AGAP1: variants seen among roughly 807,000 people sequenced by gnomAD.
AGAP1 encodes arf-GAP with GTPase, ANK repeat and PH domain-containing protein 1.
A neutral mutation model predicts 105.3 loss-of-function variants in AGAP1; 29 were observed. The observed-to-expected ratio is 0.28, with a 90% CI of 0.21 to 0.38. The LOEUF (loss-of-function observed/expected upper bound fraction) is 0.38, where lower values mean the gene tolerates loss of function less well. Ranked by LOEUF, AGAP1 falls within the 10% of genes least tolerant of loss-of-function variation. The pLI is 1.00. For missense variants in AGAP1, 998 were observed against 1,165.1 expected (o/e 0.86, Z 2.09); for synonymous variants, 509 against 485.9 (o/e 1.05, Z -0.63).
At chr2:235,878,955 C>T (rs57189949) in intron 9 of AGAP1, among the ~76,000 whole-genome samples, 5,446 of 152,292 alleles carry the variant, frequency 0.036, 240 homozygotes, top group African/African-American at 0.1. Flanking sequence ...AGCTGAAGTT[C>T]AAGACCAAAA....
chr2:235,859,541 G>GTTTT lies in AGAP1; in HGVS notation c.1051-23793_1051-23790dup, dbSNP rs34414886. Among the ~76,000 whole-genome samples the GTTTT allele has an allele frequency of 1.1e-3, 156 of 144,700 alleles. No individual in the cohort carries two copies. In the South Asian group the frequency reaches 0.019, roughly 18 times the overall value. 94.9% of individuals were successfully genotyped at this position (144,700 alleles called of 152,430 possible). ...TCTAGTTTCTTATTTTTTCTGAGCA[G>GTTTT]TTTTTTTTTTTTTTAAAGTTCCTGC... On this transcript the variant is annotated intron_variant, in intron 9 of 17. Coordinates refer to ENST00000304032, the MANE Select transcript of AGAP1 (RefSeq NM_001037131.3).
rs1030995401 is a variant in AGAP1, at chr2:236,090,377, G to T, written c.2115-29815G>T. Among the ~76,000 whole-genome samples, 1 of 152,112 alleles carries T rather than the reference G, an allele frequency of 6.6e-6. No homozygotes were observed. The highest frequency in any genetic ancestry group is 1.5e-5 in the Non-Finnish European group (1 of 68,020). ...ATTACTTCTCTCTGGTTTTTGAGAC[G>T]CACACTCAAGAGTCACAAATTAGAA... On this transcript the variant is annotated intron_variant, in intron 16 of 17. Transcript: ENST00000304032. This position sits in a 1 kb window ranked among gnomAD's most constrained non-coding sequence, Gnocchi z 4.3.
chr2:236,084,567 T>G (rs2058873945), intron 16 of AGAP1, among the ~76,000 whole-genome samples: 2 of 152,332 alleles, frequency 1.3e-5, no homozygotes, highest in Non-Finnish European at 2.9e-5. Context: ...CATTGAAACC[T>G]TGAAACAAAT....
Position 236,082,226 on chromosome 2 carries a change from A to G in AGAP1, c.2114+32945A>G, listed in dbSNP as rs1247404600. On this transcript the variant is annotated intron_variant, in intron 16 of 17. Coordinates refer to ENST00000304032, the MANE Select transcript of AGAP1 (RefSeq NM_001037131.3). The surrounding 1 kb of genome is among the most constrained non-coding windows in gnomAD (Gnocchi z 4.2). ...ACAGCTTCAATCAGTGCCAAATTCA[A>G]TTGGCTTCTGATCTCATCGCTGGAA... Among the ~76,000 whole-genome samples, 2 of 152,234 alleles carry G rather than the reference A, an allele frequency of 1.3e-5. No individual in the cohort carries two copies. The highest frequency in any genetic ancestry group is 4.8e-5 in the African/African-American group (2 of 41,462).
chr2:235,945,845 C>T (rs2053472500), intron 12 of AGAP1, among the ~76,000 whole-genome samples: 1 of 146,270 alleles, frequency 6.8e-6, no homozygotes, highest in African/African-American at 2.6e-5. Context: ...GGAAACTTAC[C>T]ATCATGGCAG....
intron 1 of AGAP1, among the ~76,000 whole-genome samples, chr2:235,597,652 G>A (rs1945570027): frequency 6.6e-6 from 1 of 152,198 alleles, no homozygotes; most frequent in African/African-American, 2.4e-5. Flanking sequence ...TTGTTCTAAC[G>A]TTGGTGATGA....
At position 235,586,326 on chromosome 2, in the gene AGAP1, G is replaced by A. The variant is rs919571971; in HGVS notation, c.163+91477G>A. Reference sequence around the variant, plus strand: ...CCCTCTGCACGCTCACTCCACGAAGGATGCAGGTGGGCACACTGCTACAAC... The same window carrying A: ...CCCTCTGCACGCTCACTCCACGAAGAATGCAGGTGGGCACACTGCTACAAC... On this transcript the variant is annotated intron_variant, in intron 1 of 17. Coordinates refer to ENST00000304032, the MANE Select transcript of AGAP1 (RefSeq NM_001037131.3). This position sits in a 1 kb window ranked among gnomAD's most constrained non-coding sequence, Gnocchi z 4.2. Among the ~76,000 whole-genome samples, 1 of 152,188 alleles carries A rather than the reference G, an allele frequency of 6.6e-6. No individual in the cohort carries two copies. Among genetic ancestry groups the A allele is most frequent in the Admixed American group, 6.5e-5 (1 of 15,282 alleles).
chr2:235,947,010 TC>T (rs2053532069), intron 12 of AGAP1, among the ~76,000 whole-genome samples: 1 of 152,204 alleles, frequency 6.6e-6, no homozygotes, highest in Admixed American at 6.5e-5. Flanking sequence ...CTCCTTCCTT[TC>T]CTTTTTTAAA....
At chr2:235,636,625 T>C (rs370715681) in intron 1 of AGAP1, among the ~76,000 whole-genome samples, 1 of 152,148 alleles carries the variant, frequency 6.6e-6, no homozygotes, top group African/African-American at 2.4e-5. Flanking sequence ...CCCATGACAT[T>C]GGGCTAGACT....
intron 16 of AGAP1, among the ~76,000 whole-genome samples, chr2:236,107,119 C>T (rs2059517102): frequency 6.6e-6 from 1 of 151,332 alleles, no homozygotes; most frequent in African/African-American, 2.4e-5. Flanking sequence ...CCCCGCCCCA[C>T]CCCCGCCAGC....
intron 8 of AGAP1, among the ~76,000 whole-genome samples, chr2:235,806,789 G>A (rs1043028450): frequency 2.6e-5 from 4 of 151,946 alleles, no homozygotes; most frequent in Non-Finnish European, 5.9e-5. Context: ...CCGTTAAATC[G>A]CACAGCTGAC....
chr2:236,025,901 C>T (rs1483666056), intron 13 of AGAP1, among the ~76,000 whole-genome samples: 3 of 112,480 alleles, frequency 2.7e-5, no homozygotes, highest in East Asian at 2.4e-4. Flanking sequence ...GACTCCTTCT[C>T]GGGTGGGTGG....
At chr2:235,730,471 A>G (rs1167344457) in intron 3 of AGAP1, among the ~76,000 whole-genome samples, 14 of 100,152 alleles carry the variant, frequency 1.4e-4, no homozygotes, top group Non-Finnish European at 2.8e-4. Context: ...TCTTTTGTTT[A>G]CCTTTTAAAA....
rs1435682833 is a variant in AGAP1 at position 235,612,576 on chromosome 2, T to G, written c.164-96603T>G. On this transcript the variant is annotated intron_variant, in intron 1 of 17. Coordinates refer to ENST00000304032, the MANE Select transcript of AGAP1 (RefSeq NM_001037131.3). This position sits in a 1 kb window ranked among gnomAD's most constrained non-coding sequence, Gnocchi z 4.3. ...GCTAAGGGAAAAGAACGTGACTGTG[T>G]GGGGGTCTCCCTGACTCCTTAGAAC... 6.6e-6 allele frequency among the ~76,000 whole-genome samples: 1 copy of G among 152,200 alleles called. No individual in the cohort carries two copies. The highest frequency in any genetic ancestry group is 2.4e-5 in the African/African-American group (1 of 41,446).
chr2:235,931,456 T>TTATTA lies in AGAP1; in HGVS notation c.1483+534_1483+535insATTAT, dbSNP rs1559662015. On this transcript the variant is annotated intron_variant, in intron 12 of 17. Coordinates refer to ENST00000304032, the MANE Select transcript of AGAP1 (RefSeq NM_001037131.3). This position sits in a 1 kb window ranked among gnomAD's most constrained non-coding sequence, Gnocchi z 5.6. ...TGGCATTATTATTATTATTATTATT[T>TTATTA]TGACAAGTGTATCCAGCTTTTTGGG... Among the ~76,000 whole-genome samples, 48 of 152,130 alleles carry TTATTA rather than the reference T, an allele frequency of 3.2e-4. No homozygotes were observed. Among genetic ancestry groups the TTATTA allele is most frequent in the African/African-American group, 1.2e-3 (48 of 41,528 alleles).
rs1348316580 is a variant in AGAP1 at position 235,778,349 on chromosome 2, AG to A, written c.674-19407del. Among the ~76,000 whole-genome samples, 6 of 152,326 alleles carry A rather than the reference AG, an allele frequency of 3.9e-5. No homozygotes were observed. In the South Asian group the frequency reaches 1.2e-3, roughly 32 times the overall value. On this transcript the variant is annotated intron_variant, in intron 6 of 17. Transcript: ENST00000304032. ...CAGTTCTTTGACCAGTGCAGCCAGCAGGGAATTTTATTTCACGTCTAATCAG... is the reference window on the plus strand; with the variant it reads ...CAGTTCTTTGACCAGTGCAGCCAGCAGGAATTTTATTTCACGTCTAATCAG...
intron 11 of AGAP1, among the ~76,000 whole-genome samples, chr2:235,921,020 A>T (rs1312591505): frequency 1.3e-5 from 2 of 152,218 alleles, no homozygotes; most frequent in Admixed American, 1.3e-4. Context: ...ATCTTCTTTT[A>T]GTTACTGGTC....
chr2:235,571,975 TACACAC>T (rs371181654), intron 1 of AGAP1, among the ~76,000 whole-genome samples: 2,223 of 79,014 alleles, frequency 0.028, 112 homozygotes, highest in African/African-American at 0.1. Context: ...TATATATGTA[TACACAC>T]ACACACACAC....
At position 235,702,780 on chromosome 2, in the gene AGAP1, A is replaced by G. The variant is rs377062910; in HGVS notation, c.164-6399A>G. On this transcript the variant is annotated intron_variant, in intron 1 of 17. Coordinates refer to ENST00000304032, the MANE Select transcript of AGAP1 (RefSeq NM_001037131.3). ...CACATGTGCCTGTCTCCAAGCAGGA[A>G]CATCTCCTCCTGGCTGTGGTCAGAT... Among the ~76,000 whole-genome samples the G allele has an allele frequency of 7.2e-4, 109 of 150,382 alleles. No homozygotes were observed. In the Middle Eastern group the frequency reaches 0.014, roughly 19 times the overall value.
Sources: gnomAD v4.1 joint callset for allele counts (sites outside exome capture counted in the v4.1 genomes callset) on GRCh38, gnomAD v4.1.1 for gene constraint, Gnocchi (gnomAD v3.1) non-coding constraint, MANE v1.5 for transcripts, NCBI Gene and HGNC (gene_info 2026-07-23, HGNC 2026-07-21) for gene names.